The following KLHL32 variants were observed in gnomAD, a reference collection of about 807,000 sequenced individuals.
KLHL32 encodes kelch like family member 32, also known as kelch-like protein 32.
Under a neutral mutation model 64.8 loss-of-function variants are expected in KLHL32, and 35 were observed. The ratio of observed to expected loss-of-function variants is 0.54; its 90% CI spans 0.41 to 0.72. The LOEUF is 0.72. KLHL32 is among the 30% of genes least tolerant of loss of function. KLHL32 has a pLI of 0.00. For synonymous variants in KLHL32, 259 were observed against 281.0 expected (o/e 0.92, Z 0.78); for missense variants, 589 against 768.5 (o/e 0.77, Z 2.76).
chr6:97,041,416 T>C (rs562894130), intron 3 of KLHL32, 76 bp from the exon 4 acceptor site: 235 of 896,654 alleles, frequency 2.6e-4, no homozygotes, highest in Non-Finnish European at 3.9e-4. Flanking sequence ...TTTTTTCCCC[T>C]AGTCTCTCTA....
intron 5 of KLHL32, among the ~76,000 whole-genome samples, chr6:97,077,673 C>T (rs1004242969): frequency 5.9e-5 from 9 of 152,164 alleles, no homozygotes; most frequent in South Asian, 4.1e-4. Context: ...GAACACTTTT[C>T]TCAGTTAATT....
At chr6:97,050,782 C>G (rs1786766488) in intron 4 of KLHL32, among the ~76,000 whole-genome samples, 1 of 152,132 alleles carries the variant, frequency 6.6e-6, no homozygotes, top group Non-Finnish European at 1.5e-5. Context: ...GTGGGCAGAT[C>G]ACCTGTGGTC....
At chr6:97,003,963 GCT>G (rs1779360859) in intron 3 of KLHL32, among the ~76,000 whole-genome samples, 1 of 152,040 alleles carries the variant, frequency 6.6e-6, no homozygotes, top group Non-Finnish European at 1.5e-5. Context: ...AAGTATTCAA[GCT>G]CTCTTTTGGT....
chr6:96,923,666 G>A (rs1038992205), upstream of KLHL32, among the ~76,000 whole-genome samples: 12 of 152,180 alleles, frequency 7.9e-5, no homozygotes, highest in Non-Finnish European at 4.4e-5. Context: ...AAATAGATCA[G>A]GGCACTGTTC....
At chr6:96,898,463 A>G in the KLHL32 span, among the ~76,000 whole-genome samples, 1 of 152,054 alleles carries the variant, frequency 6.6e-6, no homozygotes, top group Non-Finnish European at 1.5e-5. Flanking sequence ...CGCCTGATGC[A>G]TTTTCAAGCC....
intron 5 of KLHL32, among the ~76,000 whole-genome samples, chr6:97,072,659 C>G (rs1437215401): frequency 6.6e-6 from 1 of 151,508 alleles, no homozygotes. Context: ...CCTCTTCATA[C>G]GAAACCTCCT....
intron 6 of KLHL32, among the ~76,000 whole-genome samples, chr6:97,100,935 T>C (rs1472572773): frequency 7.0e-6 from 1 of 142,880 alleles, no homozygotes; most frequent in Admixed American, 7.1e-5. Flanking sequence ...CCCAAGTAGC[T>C]GGACCACAGG....
At chr6:97,121,810 G>A (rs1478484023) in intron 7 of KLHL32, among the ~76,000 whole-genome samples, 1 of 152,154 alleles carries the variant, frequency 6.6e-6, no homozygotes, top group Non-Finnish European at 1.5e-5. Context: ...AATATCATTT[G>A]CTTTATTCCC....
At chr6:97,104,151 T>C (rs953402367) in intron 6 of KLHL32, among the ~76,000 whole-genome samples, 1 of 152,248 alleles carries the variant, frequency 6.6e-6, no homozygotes, top group African/African-American at 2.4e-5. Flanking sequence ...CATCTTGATA[T>C]AAAATTTACC....
intron 1 of KLHL32, among the ~76,000 whole-genome samples, chr6:96,933,564 A>C (rs1230323547): frequency 1.3e-5 from 2 of 152,196 alleles, no homozygotes; most frequent in Non-Finnish European, 2.9e-5. Context: ...CTTAGTTCTT[A>C]GATGTGATTC....
At chr6:96,950,493 G>T (rs945313082) in intron 1 of KLHL32, among the ~76,000 whole-genome samples, 28 of 139,474 alleles carry the variant, frequency 2.0e-4, no homozygotes, top group African/African-American at 7.4e-4. Context: ...TTTATCAGTT[G>T]TCACGTTAAA....
chr6:97,012,739 C>T (rs2128094234), intron 3 of KLHL32, among the ~76,000 whole-genome samples: 1 of 152,252 alleles, frequency 6.6e-6, no homozygotes, highest in South Asian at 2.1e-4. Context: ...AAACGTAATT[C>T]AGTCATAGGT....
intron 7 of KLHL32, 54 bp downstream of exon 7, chr6:97,114,563 A>G: frequency 6.3e-7 from 1 of 1,598,990 alleles, no homozygotes; most frequent in South Asian, 1.1e-5. Flanking sequence ...TGTGGTATAT[A>G]TTTAAAAGTC....
chr6:96,969,964 T>C (rs1244163858), intron 2 of KLHL32, among the ~76,000 whole-genome samples: 1 of 152,230 alleles, frequency 6.6e-6, no homozygotes, highest in Non-Finnish European at 1.5e-5. Flanking sequence ...CTCTTTCATT[T>C]GTTTCCTGTT....
intron 7 of KLHL32, among the ~76,000 whole-genome samples, chr6:97,124,483 G>A (rs1224919927): frequency 6.6e-6 from 1 of 152,120 alleles, no homozygotes; most frequent in Non-Finnish European, 1.5e-5. Context: ...TAAATTGTAT[G>A]CCCTGCTTGG....
At chr6:97,099,060 A>G (rs1456818857) in intron 6 of KLHL32, among the ~76,000 whole-genome samples, 3 of 152,266 alleles carry the variant, frequency 2.0e-5, no homozygotes, top group African/African-American at 7.2e-5. Flanking sequence ...TAAAGAAAGC[A>G]TAACTCATTT....
chr6:97,115,296 G>A (rs188676814), intron 7 of KLHL32, among the ~76,000 whole-genome samples: 40 of 152,336 alleles, frequency 2.6e-4, no homozygotes, highest in Admixed American at 2.3e-3. Context: ...GATTGCAGGC[G>A]TGAGCCACTG....
In KLHL32 at chr6:96,945,905, G is replaced by C. The variant is rs548804805; in HGVS notation, c.-66+20879G>C. Reference sequence around the variant, plus strand: ...TGACAGGGTGATTATGGTTTTGAGAGTTAGTGAGACAAACCCTGGAACTGA... The same window carrying C: ...TGACAGGGTGATTATGGTTTTGAGACTTAGTGAGACAAACCCTGGAACTGA... On this transcript the variant is annotated intron_variant, in intron 1 of 10. Transcript: ENST00000369261. 1.6e-3 allele frequency among the ~76,000 whole-genome samples: 243 copies of C among 152,300 alleles called. 1 individual carries two copies. The highest frequency in any genetic ancestry group is 3.0e-3 in the Non-Finnish European group (206 of 68,014).
At chr6:96,933,998 G>A (rs1219510505) in intron 1 of KLHL32, among the ~76,000 whole-genome samples, 2 of 152,142 alleles carry the variant, frequency 1.3e-5, no homozygotes, top group Non-Finnish European at 2.9e-5. Context: ...TGTATAAATT[G>A]GGATAACACA....
Sources: gnomAD v4.1 joint callset for allele counts (sites outside exome capture counted in the v4.1 genomes callset) on GRCh38, gnomAD v4.1.1 for gene constraint, MANE v1.5 for transcripts, NCBI Gene and HGNC (gene_info 2026-07-23, HGNC 2026-07-21) for gene names.